The following GFRA2 variants were observed in gnomAD, a reference collection of about 807,000 sequenced individuals.
The protein encoded by GFRA2 is GDNF family receptor alpha-2.
In GFRA2, 17 loss-of-function variants were observed where a neutral mutation model predicts 48.3. The ratio of observed to expected loss-of-function variants is 0.35; its 90% CI spans 0.24 to 0.53. GFRA2 has a LOEUF of 0.53. GFRA2 is among the 20% of genes least tolerant of loss of function. The pLI is 0.93. For missense variants in GFRA2, 660 were observed against 637.3 expected (o/e 1.04, Z -0.38); for synonymous variants, 305 against 257.2 (o/e 1.19, Z -1.78).
chr8:21,742,584 G>C (rs189160616), intron 4 of GFRA2, among the ~76,000 whole-genome samples: 1 of 152,246 alleles, frequency 6.6e-6, no homozygotes, highest in East Asian at 1.9e-4. Flanking sequence ...ATGCCAGTGA[G>C]TGAAAGCAGA....
At position 21,718,003 on chromosome 8, in the gene GFRA2, T is replaced by G. The variant is rs146615422; in HGVS notation, c.795-11962A>C. Among the ~76,000 whole-genome samples, 311 of 152,336 alleles carry G rather than the reference T, an allele frequency of 2.0e-3. 1 individual carries two copies. The highest frequency in any genetic ancestry group is 7.1e-3 in the African/African-American group (294 of 41,580). On this transcript the variant is annotated intron_variant, in intron 4 of 8. Coordinates refer to ENST00000524240, the MANE Select transcript of GFRA2 (RefSeq NM_001495.5). The stretch of plus-strand genomic sequence containing the variant: ...CTTGGCTCAGCAACTCTTGGCTGTG[T>G]GATCTTGAGCAGGTAATTAAAGGAG...
chr8:21,707,757 T>C (rs916385461), intron 4 of GFRA2, among the ~76,000 whole-genome samples: 1 of 152,206 alleles, frequency 6.6e-6, no homozygotes, highest in African/African-American at 2.4e-5. Context: ...TTTGGGATGA[T>C]TAAAAAGTTC....
At chr8:21,747,800 A>ACACACG (rs1554492285) in intron 4 of GFRA2, among the ~76,000 whole-genome samples, 4 of 145,852 alleles carry the variant, frequency 2.7e-5, no homozygotes, top group African/African-American at 1.0e-4. Context: ...ACACACACAC[A>ACACACG]CGCATGCACA....
chr8:21,753,829 C>T (rs1805415896), intron 3 of GFRA2, among the ~76,000 whole-genome samples: 2 of 152,190 alleles, frequency 1.3e-5, no homozygotes, highest in Admixed American at 1.3e-4. Flanking sequence ...GCCAGCAAGG[C>T]TGTATATGGC....
intron 4 of GFRA2, among the ~76,000 whole-genome samples, chr8:21,736,925 G>GGGGAA (rs1273070474): frequency 1.5e-5 from 2 of 136,460 alleles, no homozygotes; most frequent in African/African-American, 5.4e-5. Flanking sequence ...GGGGAGGGGA[G>GGGGAA]GGGAGGAGAG....
chr8:21,704,877 T>A, intron 6 of GFRA2, 108 bp downstream of exon 6: 1 of 890,576 alleles, frequency 1.1e-6, no homozygotes, highest in African/African-American at 1.6e-5. Context: ...CGGAGAAGCC[T>A]CATCTACATC....
intron 7 of GFRA2, among the ~76,000 whole-genome samples, chr8:21,701,356 T>A (rs1802466842): frequency 6.6e-6 from 1 of 152,164 alleles, no homozygotes; most frequent in Admixed American, 6.5e-5. Flanking sequence ...ATCGCGCCAC[T>A]GCACTCCAGC....
At chr8:21,768,427 C>T (rs933382744) in intron 3 of GFRA2, among the ~76,000 whole-genome samples, 2 of 152,200 alleles carry the variant, frequency 1.3e-5, no homozygotes, top group African/African-American at 2.4e-5. Flanking sequence ...CCTGTGCCCC[C>T]GCCTCATCAC....
Position 21,755,990 on chromosome 8 carries a change from C to T in GFRA2, c.440-5048G>A, listed in dbSNP as rs73537619. ...GTTCTCTCCCAGGCCAGCCGTAGGA[C>T]GCACCTGTCAGAGGCTGGCTGGCTG... On this transcript the variant is annotated intron_variant, in intron 3 of 8. Coordinates refer to ENST00000524240, the MANE Select transcript of GFRA2 (RefSeq NM_001495.5). Among the ~76,000 whole-genome samples the T allele has an allele frequency of 4.9e-3, 748 of 152,290 alleles. 7 individuals are homozygous for T. The highest frequency in any genetic ancestry group is 0.017 in the African/African-American group (709 of 41,566).
rs749993949 is a variant in GFRA2, at chr8:21,750,704, G to A, written c.678C>T (p.Asp226=). Residue 226 remains aspartate (D), a synonymous_variant, in exon 4 of 9, where the codon GAC becomes GAT. Transcript: ENST00000524240. The surrounding 1 kb of genome is among the most constrained non-coding windows in gnomAD (Gnocchi z 5.7). ...GCCGGCGGCGCTCAGCGCACGCCTG[G>A]TCTTGGCAGGAGCAGAAGAGCATGC... ...TYRMLFCSCQ[D]QACAERRRQT... 1.2e-6 allele frequency: 2 copies of A among 1,613,930 alleles called. No homozygotes were observed. Among genetic ancestry groups the A allele is most frequent in the Non-Finnish European group, 1.7e-6 (2 of 1,179,828 alleles).
intron 4 of GFRA2, among the ~76,000 whole-genome samples, chr8:21,743,934 A>T (rs1331896087): frequency 6.6e-6 from 1 of 152,240 alleles, no homozygotes. Flanking sequence ...TAGAAAATAC[A>T]CACAAAACTT....
intron 3 of GFRA2, among the ~76,000 whole-genome samples, chr8:21,758,460 TC>T (rs1026251596): frequency 1.3e-5 from 2 of 152,114 alleles, no homozygotes; most frequent in African/African-American, 4.8e-5. Context: ...TAACCACCCT[TC>T]CTGCCTCCCA....
Position 21,782,842 on chromosome 8 carries a change from C to T in GFRA2, c.98G>A (p.Gly33Asp), listed in dbSNP as rs1807078720. The change falls in exon 2 of 9, where the codon GGC becomes GAC. Residue 33 changes from glycine to aspartate, a missense_variant. Transcript: ENST00000524240. ...PSSLQGPELHGWRPPVDCVRA... is the reference protein window; with the variant it reads ...PSSLQGPELHDWRPPVDCVRA... ...GACACAGTCCACTGGGGGGCGCCAG[C>T]CGTGGAGCTCGGGGCCCTGCAGGGA... 2.5e-6 allele frequency: 4 copies of T among 1,569,928 alleles called. No homozygotes were observed. Among genetic ancestry groups the T allele is most frequent in the East Asian group, 2.3e-5 (1 of 43,226 alleles).
intron 2 of GFRA2, among the ~76,000 whole-genome samples, chr8:21,800,297 G>A (rs1165898292): frequency 6.6e-6 from 1 of 152,140 alleles, no homozygotes; most frequent in Non-Finnish European, 1.5e-5. Context: ...GAGAGACAAG[G>A]CCCTAATGTA....
intron 3 of GFRA2, among the ~76,000 whole-genome samples, chr8:21,766,953 C>T (rs991197827): frequency 2.8e-5 from 4 of 144,656 alleles, no homozygotes; most frequent in Middle Eastern, 3.5e-3. Flanking sequence ...ACTCCACCAC[C>T]GACACACATA....
intron 2 of GFRA2, among the ~76,000 whole-genome samples, chr8:21,804,425 TAA>T (rs758669783): frequency 2.4e-5 from 3 of 125,020 alleles, no homozygotes; most frequent in African/African-American, 6.0e-5. Flanking sequence ...ACTTCTCTGC[TAA>T]AAAAAAAAAC....
intron 4 of GFRA2, among the ~76,000 whole-genome samples, chr8:21,720,707 C>A (rs886680752): frequency 6.6e-6 from 1 of 152,214 alleles, no homozygotes; most frequent in Non-Finnish European, 1.5e-5. Flanking sequence ...TCTCCTTAAA[C>A]TTCCTCCAGT....
At chr8:21,769,115 C>T (rs1806318246) in intron 3 of GFRA2, 2 of 943,006 alleles carry the variant, frequency 2.1e-6, no homozygotes, top group African/African-American at 1.8e-5. Context: ...AAATGAGTAT[C>T]TACCTGTTGC....
At chr8:21,753,335 CGGT>C (rs1360302492) in intron 3 of GFRA2, among the ~76,000 whole-genome samples, 16 of 152,174 alleles carry the variant, frequency 1.1e-4, no homozygotes, top group Non-Finnish European at 2.1e-4. Flanking sequence ...AGGCTGGACA[CGGT>C]GGTTCACGCC....
Sources: allele counts gnomAD v4.1 joint callset (sites outside exome capture counted in the v4.1 genomes callset), GRCh38; gene constraint gnomAD v4.1.1; non-coding constraint Gnocchi (gnomAD v3.1); transcripts MANE v1.5; gene names NCBI Gene and HGNC (gene_info 2026-07-23, HGNC 2026-07-21).